The following CCM2L variants were observed in gnomAD, a reference collection of about 807,000 sequenced individuals.
CCM2L encodes cerebral cavernous malformations 2 protein-like.
Under a neutral mutation model 54.1 loss-of-function variants are expected in CCM2L, and 36 were observed. The observed-to-expected ratio is 0.67, with a 90% CI of 0.51 to 0.88. The LOEUF is 0.88. Among genes scored for constraint, CCM2L ranks in the 40% least tolerant of loss-of-function variants. CCM2L has a pLI of 0.00. For missense variants in CCM2L, 700 were observed against 812.1 expected, an observed-to-expected ratio of 0.86 and a Z score of 1.68; for synonymous variants, 351 against 359.3, an observed-to-expected ratio of 0.98 and a Z score of 0.26.
chr20:32,025,231 C>T (rs1399733699), intron 6 of CCM2L, among the ~76,000 whole-genome samples: 1 of 131,058 alleles, frequency 7.6e-6, no homozygotes, highest in Non-Finnish European at 1.6e-5. Flanking sequence ...CCTTTCCTTT[C>T]CTCTTTCTTT....
chr20:32,029,404 C>T (rs895012336), intron 8 of CCM2L, among the ~76,000 whole-genome samples: 18 of 152,126 alleles, frequency 1.2e-4, no homozygotes, highest in African/African-American at 4.3e-4. Flanking sequence ...GAAGAAAATA[C>T]CATCATTATC....
chr20:32,019,021 G>C lies in CCM2L; in HGVS notation c.545G>C (p.Gly182Ala), dbSNP rs2064771414. ...GGACGCGACCCCGGCCCGCCAGGCGGGGCGCCCGAGAAGCGGCGGGTGGGC... is the reference window on the plus strand; with the variant it reads ...GGACGCGACCCCGGCCCGCCAGGCGCGGCGCCCGAGAAGCGGCGGGTGGGC... ...GAGRDPGPPG[G>A]APEKRRVGTA... The change falls in exon 5 of 10, where the codon GGG becomes GCG. Residue 182 changes from glycine (G) to alanine (A), a missense_variant. Transcript: ENST00000452892. 1.5e-6 allele frequency: 2 copies of C among 1,329,632 alleles called. No homozygotes were observed. The highest frequency in any genetic ancestry group is 1.9e-6 in the Non-Finnish European group (2 of 1,048,754). The allele number at this position is 1,329,632 out of a possible 1,614,324, so 82.4% of individuals were successfully genotyped here.
chr20:32,029,844 C>A lies in CCM2L; in HGVS notation c.1402+6C>A, dbSNP rs748282429. 1 of 1,592,454 alleles carries A rather than the reference C, an allele frequency of 6.3e-7. No homozygotes were observed. The highest frequency in any genetic ancestry group is 1.1e-5 in the South Asian group (1 of 88,734). ...GCGCAAGTTCCTCCTCCTTGGTGAG[C>A]CCCCGCTGTACCCCCAGAGGTCAGC... On this transcript the variant is annotated splice_donor_region_variant and intron_variant, in intron 9 of 9. Coordinates refer to ENST00000452892, the MANE Select transcript of CCM2L (RefSeq NM_001365692.1).
In CCM2L at chr20:32,017,995, C is replaced by A; in HGVS notation, c.299C>A (p.Pro100Gln). The A allele has an allele frequency of 1.2e-6, 2 of 1,613,728 alleles. No homozygotes were observed. Among genetic ancestry groups the A allele is most frequent in the Admixed American group, 1.7e-5 (1 of 59,998 alleles). Residue 100 changes from proline to glutamine, a missense_variant, in exon 4 of 10, where the codon CCG becomes CAG. Pro to Gln is a moderately conservative substitution (Grantham distance 76). Coordinates refer to ENST00000452892, the MANE Select transcript of CCM2L (RefSeq NM_001365692.1). ...TCCCTGCAGCAGCTGAAGGAGCTGCCGCTGAAGACCACGGCGGAGCAGGAC... is the reference window on the plus strand; with the variant it reads ...TCCCTGCAGCAGCTGAAGGAGCTGCAGCTGAAGACCACGGCGGAGCAGGAC... ...LDTARQLKEL[P>Q]LKTTAEQDSI...
chr20:32,028,641 T>G, intron 7 of CCM2L: 1 of 227,608 alleles, frequency 4.4e-6, no homozygotes, highest in Non-Finnish European at 8.9e-6. Context: ...CTAGGGGAAT[T>G]AGGGAACACT....
At chr20:32,021,101 C>T (rs926512061) in intron 5 of CCM2L, among the ~76,000 whole-genome samples, 40 of 152,162 alleles carry the variant, frequency 2.6e-4, no homozygotes, top group Non-Finnish European at 7.3e-5. Context: ...TGCTGACAGT[C>T]TCTTTCCCCA....
At chr20:32,025,493 C>G (rs1272096711) in intron 6 of CCM2L, among the ~76,000 whole-genome samples, 2 of 152,166 alleles carry the variant, frequency 1.3e-5, no homozygotes, top group African/African-American at 4.8e-5. Flanking sequence ...GTCTTGAAGC[C>G]TGGGCTCAAG....
chr20:32,011,673 C>T (rs917345228), intron 1 of CCM2L, among the ~76,000 whole-genome samples: 1 of 151,982 alleles, frequency 6.6e-6, no homozygotes, highest in East Asian at 1.9e-4. Context: ...GGAAACTGAT[C>T]AGTTTGAGTC....
chr20:32,016,888 C>A (rs2122325021), intron 2 of CCM2L, among the ~76,000 whole-genome samples: 1 of 152,264 alleles, frequency 6.6e-6, no homozygotes, highest in Non-Finnish European at 1.5e-5. Flanking sequence ...TGGCTCACAC[C>A]TGTAATCCCA....
chr20:32,011,935 G>A (rs76256945), intron 1 of CCM2L, among the ~76,000 whole-genome samples: 2 of 151,466 alleles, frequency 1.3e-5, no homozygotes, highest in East Asian at 1.9e-4. Context: ...GCAAGACAAA[G>A]TCCCAGCTCC....
intron 7 of CCM2L, chr20:32,028,601 G>A (rs535356680): frequency 3.4e-4 from 72 of 211,578 alleles, no homozygotes; most frequent in Non-Finnish European, 6.0e-4. Flanking sequence ...TGGACTGAGG[G>A]AGCATGTTCG....
chr20:32,010,651 T>C (rs1452850485), intron 1 of CCM2L, among the ~76,000 whole-genome samples, 167 bp downstream of exon 1: 2 of 152,062 alleles, frequency 1.3e-5, no homozygotes, highest in Non-Finnish European at 1.5e-5. Context: ...ACAGTCAGGC[T>C]CTAAACTCCC....
rs1289135494 is a variant in CCM2L, at chr20:32,010,490, T to C, written c.30+6T>C. 8.4e-7 allele frequency: 1 copy of C among 1,191,564 alleles called. No individual in the cohort carries two copies. Among genetic ancestry groups the C allele is most frequent in the Non-Finnish European group, 1.1e-6 (1 of 941,914 alleles). The allele number at this position is 1,191,564 out of a possible 1,614,324, so 73.8% of individuals were successfully genotyped here. ...AAGTCAAGAAAGGGAAGAAGGTAGGTGGGAGGTTGGGAGGGACGAAGGGAG... is the reference window on the plus strand; with the variant it reads ...AAGTCAAGAAAGGGAAGAAGGTAGGCGGGAGGTTGGGAGGGACGAAGGGAG... On this transcript the variant is annotated splice_donor_region_variant and intron_variant, in intron 1 of 9. Transcript: ENST00000452892.
At chr20:32,018,867 G>C in intron 4 of CCM2L, 76 bp from the exon 5 acceptor site, 1 of 1,238,768 alleles carries the variant, frequency 8.1e-7, no homozygotes. Context: ...AGGTCAGGTG[G>C]CCAGCCGGCC....
At position 32,017,838 on chromosome 20, in the gene CCM2L, C is replaced by A; in HGVS notation, c.237C>A (p.Asn79Lys). The A allele has an allele frequency of 6.2e-7, 1 of 1,614,120 alleles. No homozygotes were observed. Among genetic ancestry groups the A allele is most frequent in the Non-Finnish European group, 8.5e-7 (1 of 1,180,032 alleles). Residue 79 changes from asparagine to lysine, a missense_variant, in exon 3 of 10, where the codon AAC (asparagine) becomes AAA (lysine). Coordinates refer to ENST00000452892, the MANE Select transcript of CCM2L (RefSeq NM_001365692.1). ...GHLTWVTSSL[N>K]PSSRDELLQL... ...TTACCTGGGTGACTTCCTCACTGAACCCCTCCAGTCGGGACGAGCTCCTGC... is the reference window on the plus strand; with the variant it reads ...TTACCTGGGTGACTTCCTCACTGAAACCCTCCAGTCGGGACGAGCTCCTGC...
At chr20:32,014,140 CAG>C (rs1252035915) in intron 1 of CCM2L, among the ~76,000 whole-genome samples, 1 of 151,548 alleles carries the variant, frequency 6.6e-6, no homozygotes, top group East Asian at 1.9e-4. Context: ...TAGGAAAGCA[CAG>C]AGAATAGCCT....
rs771769712 is a variant in CCM2L at position 32,019,461 on chromosome 20, C to T, written c.933+52C>T. 376 of 1,271,774 alleles carry T rather than the reference C, an allele frequency of 3.0e-4. 1 individual carries two copies. Among genetic ancestry groups the T allele is most frequent in the Non-Finnish European group, 3.6e-4 (350 of 971,978 alleles). 78.8% of individuals were successfully genotyped at this position (1,271,774 alleles called of 1,614,324 possible). On this transcript the variant is annotated intron_variant, in intron 5 of 9. Transcript: ENST00000452892. ...AAGCCCGGCTTCGGGAACGCTGCTT[C>T]CCCGCCCCCACCTTGCCCCCGCCCC... is the stretch of plus-strand genomic sequence containing the variant.
rs2064816197 is a variant in CCM2L at position 32,022,702 on chromosome 20, C to T, written c.976C>T (p.Gln326Ter). 1 of 1,614,152 alleles carries T rather than the reference C, an allele frequency of 6.2e-7. No individual in the cohort carries two copies. The highest frequency in any genetic ancestry group is 1.3e-5 in the African/African-American group (1 of 75,038). Residue 326 changes from glutamine (Q) to a stop codon, truncating the protein, a stop_gained, in exon 6 of 10, where the codon CAG becomes TAG. Coordinates refer to ENST00000452892, the MANE Select transcript of CCM2L (RefSeq NM_001365692.1). LOFTEE classifies it high-confidence loss of function. ...ESCALICQVFQIIYGDQSIEC... is the reference protein window; with the variant it reads ...ESCALICQVF Reference sequence around the variant, plus strand: ...CTGCGCACTCATCTGTCAGGTCTTCCAGATCATCTACGGGGACCAGAGTAT... The same window carrying T: ...CTGCGCACTCATCTGTCAGGTCTTCTAGATCATCTACGGGGACCAGAGTAT...
At position 32,031,578 on chromosome 20, in the gene CCM2L, C is replaced by T. The variant is rs946703476; in HGVS notation, c.*264C>T. On this transcript the variant is annotated 3_prime_UTR_variant, in exon 10 of 10. Transcript: ENST00000452892. ...TGCCGGGCTGGGGCTGAGCAGCGAT[C>T]CTGCTTTGTCCCAGAAGTCCAGAGG... 1.2e-4 allele frequency: 33 copies of T among 272,428 alleles called. No individual in the cohort carries two copies. The highest frequency in any genetic ancestry group is 5.4e-4 in the East Asian group (4 of 7,382). The allele number at this position is 272,428 out of a possible 1,614,324, so 16.9% of individuals were successfully genotyped here. A position where few individuals can be genotyped will look rare whatever the true frequency, so the allele number is the denominator to read the frequency against.
Sources: allele counts gnomAD v4.1 joint callset (sites outside exome capture counted in the v4.1 genomes callset), GRCh38; gene constraint gnomAD v4.1.1; transcripts MANE v1.5; gene names NCBI Gene and HGNC (gene_info 2026-07-23, HGNC 2026-07-21).